The following ZBTB16 variants were observed in gnomAD, a reference collection of about 807,000 sequenced individuals.
ZBTB16 encodes the protein zinc finger and BTB domain-containing protein 16.
A neutral mutation model predicts 56.8 loss-of-function variants in ZBTB16; 8 were observed. The observed-to-expected ratio is 0.14, with a 90% CI of 0.08 to 0.25. The LOEUF is 0.25. ZBTB16 is among the 10% of genes least tolerant of loss of function. ZBTB16 has a pLI of 1.00. For missense variants in ZBTB16, 625 were observed against 903.0 expected (o/e 0.69, Z 3.95); for synonymous variants, 363 against 368.5 (o/e 0.98, Z 0.17).
intron 2 of ZBTB16, among the ~76,000 whole-genome samples, chr11:114,076,295 G>A (rs541955224): frequency 6.6e-6 from 1 of 152,182 alleles, no homozygotes; most frequent in South Asian, 2.1e-4. Flanking sequence ...TTGCAAAGCC[G>A]AAGGACTAGA....
intron 2 of ZBTB16, among the ~76,000 whole-genome samples, chr11:114,077,834 C>G (rs1420945045): frequency 6.6e-6 from 1 of 152,196 alleles, no homozygotes; most frequent in African/African-American, 2.4e-5. Context: ...CTAAATTCTG[C>G]TTTTGTCCTG....
intron 4 of ZBTB16, among the ~76,000 whole-genome samples, chr11:114,192,316 A>G (rs1030498643): frequency 1.5e-4 from 23 of 152,188 alleles, no homozygotes; most frequent in Non-Finnish European, 5.9e-5. Context: ...TACTTCTACC[A>G]TATTTCATCA....
chr11:114,075,629 G>GTATATATA (rs10526570), intron 2 of ZBTB16, among the ~76,000 whole-genome samples: 8 of 141,094 alleles, frequency 5.7e-5, no homozygotes, highest in African/African-American at 2.3e-4. Context: ...GCTAATTTTT[G>GTATATATA]TATATATATA....
intron 3 of ZBTB16, among the ~76,000 whole-genome samples, chr11:114,164,502 T>C (rs1942687845): frequency 6.6e-6 from 1 of 152,236 alleles, no homozygotes; most frequent in Admixed American, 6.5e-5. Flanking sequence ...GTTGCCTTGC[T>C]GGTCCTTGTT....
chr11:114,115,200 A>G (rs1383861485), intron 2 of ZBTB16, among the ~76,000 whole-genome samples: 1 of 152,116 alleles, frequency 6.6e-6, no homozygotes, highest in Non-Finnish European at 1.5e-5. Flanking sequence ...GACCTTCTAG[A>G]GAAAAGAACC....
chr11:114,101,225 G>A (rs1940598889), intron 2 of ZBTB16, among the ~76,000 whole-genome samples: 1 of 152,126 alleles, frequency 6.6e-6, no homozygotes, highest in African/African-American at 2.4e-5. Flanking sequence ...GGCTGATCTT[G>A]AACTCCTGGG....
chr11:114,109,952 G>C (rs1014562236), intron 2 of ZBTB16, among the ~76,000 whole-genome samples: 4 of 152,140 alleles, frequency 2.6e-5, no homozygotes, highest in African/African-American at 9.7e-5. Flanking sequence ...GAGCAGACGG[G>C]GGCCACAGGA....
chr11:114,232,021 T>G (rs1316349651), intron 4 of ZBTB16, among the ~76,000 whole-genome samples: 2 of 152,116 alleles, frequency 1.3e-5, no homozygotes, highest in Non-Finnish European at 2.9e-5. Flanking sequence ...TCCTGTTCAG[T>G]TGGGAGTCTG....
chr11:114,141,939 T>C (rs990789522), intron 2 of ZBTB16, among the ~76,000 whole-genome samples: 1 of 152,364 alleles, frequency 6.6e-6, no homozygotes, highest in Middle Eastern at 3.4e-3. Context: ...TTCTAATTCT[T>C]CTTCATCACC....
At chr11:114,235,745 TTTCC>T (rs1339497685) in intron 4 of ZBTB16, among the ~76,000 whole-genome samples, 73 of 149,722 alleles carry the variant, frequency 4.9e-4, no homozygotes, top group South Asian at 2.1e-3. Flanking sequence ...TTTTCTTTTC[TTTCC>T]TTCCTTCCTT....
At chr11:114,209,759 C>T (rs1367409989) in intron 4 of ZBTB16, 1 of 985,440 alleles carries the variant, frequency 1.0e-6, no homozygotes, top group Non-Finnish European at 1.2e-6. Context: ...CTTGCCACTT[C>T]AGGAGTACAC....
At chr11:114,233,813 C>T (rs1377049487) in intron 4 of ZBTB16, among the ~76,000 whole-genome samples, 3 of 152,172 alleles carry the variant, frequency 2.0e-5, no homozygotes, top group African/African-American at 7.2e-5. Flanking sequence ...AATTTGTTTA[C>T]TGTAGCTGGA....
intron 4 of ZBTB16, chr11:114,210,764 T>TGG: frequency 4.6e-6 from 1 of 217,858 alleles, no homozygotes; most frequent in East Asian, 6.7e-5. Flanking sequence ...CCAGGGCTCT[T>TGG]GGGGTCTAAG....
At chr11:114,087,997 A>G (rs1395738547) in intron 2 of ZBTB16, among the ~76,000 whole-genome samples, 1 of 152,142 alleles carries the variant, frequency 6.6e-6, no homozygotes. Flanking sequence ...AACAGGGCCA[A>G]ATCTCTCATG....
chr11:114,151,719 C>G (rs920576180), intron 2 of ZBTB16, among the ~76,000 whole-genome samples: 1 of 152,218 alleles, frequency 6.6e-6, no homozygotes, highest in Non-Finnish European at 1.5e-5. Flanking sequence ...TGCTCCTGGG[C>G]TTTTCCCTTT....
In ZBTB16 at chr11:114,063,860, T is replaced by C. The variant is rs1938993552; in HGVS notation, c.560T>C (p.Val187Ala). ...CCCATGGTGGACCAGAGCCCTTCAG[T>C]CTCCACTTCATTTGGTCTTTCAGCC... ...PGPMVDQSPS[V>A]STSFGLSAMS... Residue 187 changes from valine to alanine, a missense_variant, in exon 2 of 7, where the codon GTC (valine) becomes GCC (alanine). Physicochemically the swap from Val to Ala is moderately conservative, Grantham distance 64. Around this residue, in one of 6 missense-constraint regions of ZBTB16, gnomAD observed 384 missense variants for 393.5 expected, o/e 0.98. Coordinates refer to ENST00000335953, the MANE Select transcript of ZBTB16 (RefSeq NM_006006.6). This position sits in a 1 kb window ranked among gnomAD's most constrained non-coding sequence, Gnocchi z 6.5. The C allele has an allele frequency of 5.6e-6, 9 of 1,614,076 alleles. No individual in the cohort carries two copies. Among genetic ancestry groups the C allele is most frequent in the Non-Finnish European group, 7.6e-6 (9 of 1,180,004 alleles).
chr11:114,199,850 C>T (rs999310072), intron 4 of ZBTB16, among the ~76,000 whole-genome samples: 2 of 152,106 alleles, frequency 1.3e-5, no homozygotes, highest in African/African-American at 4.8e-5. Context: ...CATGTGGGGC[C>T]GGGCACGGTG....
intron 3 of ZBTB16, among the ~76,000 whole-genome samples, chr11:114,162,717 C>A (rs938345439): frequency 6.6e-6 from 1 of 152,160 alleles, no homozygotes; most frequent in Non-Finnish European, 1.5e-5. Context: ...TATGTGGGGG[C>A]GCCTTTGGTT....
At chr11:114,202,082 G>A (rs988767939) in intron 4 of ZBTB16, among the ~76,000 whole-genome samples, 9 of 152,224 alleles carry the variant, frequency 5.9e-5, no homozygotes, top group Non-Finnish European at 1.0e-4. Flanking sequence ...GATGGAGAAT[G>A]CAGCACAGGG....
Sources: gnomAD v4.1 joint callset for allele counts (sites outside exome capture counted in the v4.1 genomes callset) on GRCh38, gnomAD v4.1.1 for gene constraint, gnomAD v4.1.1 regional missense constraint, Gnocchi (gnomAD v3.1) non-coding constraint, MANE v1.5 for transcripts, NCBI Gene and HGNC (gene_info 2026-07-23, HGNC 2026-07-21) for gene names.